DNAJC13: variants seen among roughly 807,000 people sequenced by gnomAD.
DNAJC13 encodes the protein dnaJ homolog subfamily C member 13.
Under a neutral mutation model 290.5 loss-of-function variants are expected in DNAJC13, and 75 were observed. The observed-to-expected ratio is 0.26, with a 90% CI of 0.21 to 0.31. DNAJC13 has a LOEUF of 0.31. Among genes scored for constraint, DNAJC13 ranks in the 10% least tolerant of loss-of-function variants. The pLI, the probability that DNAJC13 is intolerant of heterozygous loss-of-function variation, is 1.00. For synonymous variants in DNAJC13, 862 were observed against 892.0 expected (o/e 0.97, Z 0.60); for missense variants, 2,260 against 2,674.5 (o/e 0.85, Z 3.42).
chr3:132,459,418 G>A (rs919096922), intron 13 of DNAJC13, among the ~76,000 whole-genome samples: 1 of 152,174 alleles, frequency 6.6e-6, no homozygotes, highest in African/African-American at 2.4e-5. Context: ...AGGGGCTTGG[G>A]AGGAAGGCAG....
intron 50 of DNAJC13, 98 bp from the exon 51 acceptor site, chr3:132,523,442 T>C: frequency 7.3e-7 from 1 of 1,377,560 alleles, no homozygotes. Flanking sequence ...TGGCTGTTTG[T>C]GGACTGGTTA....
intron 36 of DNAJC13, among the ~76,000 whole-genome samples, 158 bp from the exon 37 acceptor site, chr3:132,498,968 G>A (rs528859199): frequency 1.2e-4 from 19 of 152,108 alleles, no homozygotes; most frequent in African/African-American, 4.6e-4. Flanking sequence ...CACCCACCTT[G>A]GCCTCCCAAA....
At position 132,523,182 on chromosome 3, in the gene DNAJC13, C is replaced by T. The variant is rs376192130; in HGVS notation, c.5869C>T (p.Pro1957Ser). 6.2e-7 allele frequency: 1 copy of T among 1,613,894 alleles called. No homozygotes were observed. Among genetic ancestry groups the T allele is most frequent in the Non-Finnish European group, 8.5e-7 (1 of 1,179,884 alleles). ...LEHFKNQQDN[P>S]EANWKLPEDF... ...GCACTTTAAAAATCAGCAGGACAAC[C>T]CTGAGGCAAACTGGAAGGTAAAATA... The change falls in exon 50 of 56, where the codon CCT becomes TCT. Residue 1957 changes from proline (P) to serine (S), a missense_variant. Pro to Ser is a moderately conservative substitution (Grantham distance 74). This residue lies in a region of DNAJC13 where 1,494 missense variants were observed against 1,693.7 expected (regional missense o/e 0.88). Transcript: ENST00000260818.
At chr3:132,484,033 T>G (rs1934771919) in intron 28 of DNAJC13, among the ~76,000 whole-genome samples, 1 of 152,336 alleles carries the variant, frequency 6.6e-6, no homozygotes, top group Non-Finnish European at 1.5e-5. Context: ...CTTTTTAATC[T>G]TTATGAAATA....
chr3:132,460,700 A>G (rs1240783573), intron 14 of DNAJC13, among the ~76,000 whole-genome samples: 1 of 152,234 alleles, frequency 6.6e-6, no homozygotes, highest in African/African-American at 2.4e-5. Flanking sequence ...GGAGATGGGC[A>G]TTCTATAGCA....
chr3:132,506,541 C>CTTTTTTTTTTTTTTTTT lies in DNAJC13; in HGVS notation c.4999-683_4999-667dup, dbSNP rs34151394. On this transcript the variant is annotated intron_variant, in intron 42 of 55. Coordinates refer to ENST00000260818, the MANE Select transcript of DNAJC13 (RefSeq NM_015268.4). ...TTTAGCACTTTTGTTCAGTGTATTA[C>CTTTTTTTTTTTTTTTTT]TTTTTTTTTTTTTTTTTTTTTTTTT... Among the ~76,000 whole-genome samples, 3 of 54,756 alleles carry CTTTTTTTTTTTTTTTTT rather than the reference C, an allele frequency of 5.5e-5. 1 individual carries two copies. The highest frequency in any genetic ancestry group is 3.5e-4 in the African/African-American group (3 of 8,648). 35.9% of individuals were successfully genotyped at this position (54,756 alleles called of 152,430 possible).
intron 29 of DNAJC13, among the ~76,000 whole-genome samples, chr3:132,486,987 T>C (rs1461279600): frequency 6.6e-6 from 1 of 152,152 alleles, no homozygotes; most frequent in East Asian, 1.9e-4. Flanking sequence ...TGTGGGTGTT[T>C]GCCACTAATT....
rs140254672 is a variant in DNAJC13, at chr3:132,494,997, T to C, written c.3942-91T>C. On this transcript the variant is annotated intron_variant, in intron 34 of 55. Coordinates refer to ENST00000260818, the MANE Select transcript of DNAJC13 (RefSeq NM_015268.4). ...ATATAATCATATACAATTCTTGATA[T>C]TAGATTCTTAAAATATCATTTTAGA... 1.6e-4 allele frequency: 136 copies of C among 837,716 alleles called. No individual in the cohort carries two copies. The African/African-American group carries it at 1.8e-3, about 11-fold the overall frequency. The allele number at this position is 837,716 out of a possible 1,614,324, so 51.9% of individuals were successfully genotyped here. A position where few individuals can be genotyped will look rare whatever the true frequency, so the allele number is the denominator to read the frequency against.
intron 12 of DNAJC13, 130 bp from the exon 13 acceptor site, chr3:132,457,139 T>G (rs1423968560): frequency 1.4e-5 from 10 of 740,088 alleles, no homozygotes; most frequent in Non-Finnish European, 1.9e-5. Flanking sequence ...CTGATAAATT[T>G]CAGAGGTGGA....
chr3:132,421,930 T>G (rs1938970148), intron 1 of DNAJC13, among the ~76,000 whole-genome samples: 1 of 152,190 alleles, frequency 6.6e-6, no homozygotes, highest in Admixed American at 6.5e-5. Flanking sequence ...ACTTGGTGAG[T>G]TATATATAAA....
intron 32 of DNAJC13, 55 bp downstream of exon 32, chr3:132,491,106 C>A: frequency 7.1e-7 from 1 of 1,411,974 alleles, no homozygotes; most frequent in Non-Finnish European, 9.5e-7. Context: ...CTTTGCTGCT[C>A]GCCATCTGCT....
chr3:132,506,519 A>G (rs1184179089), intron 42 of DNAJC13, among the ~76,000 whole-genome samples: 2 of 101,196 alleles, frequency 2.0e-5, no homozygotes, highest in African/African-American at 4.0e-5. Context: ...TCTATTTTTT[A>G]GCACTTTTGT....
At chr3:132,474,594 A>G (rs1450712834) in intron 21 of DNAJC13, among the ~76,000 whole-genome samples, 1 of 151,722 alleles carries the variant, frequency 6.6e-6, no homozygotes, top group Non-Finnish European at 1.5e-5. Flanking sequence ...TGAAGTTGAA[A>G]TATCAGGTGT....
intron 43 of DNAJC13, among the ~76,000 whole-genome samples, chr3:132,508,033 CAAG>C (rs1189216830): frequency 6.6e-6 from 1 of 152,142 alleles, no homozygotes; most frequent in Non-Finnish European, 1.5e-5. Context: ...ACATGAATGA[CAAG>C]AAATTGAAAC....
At chr3:132,443,870 T>C (rs1933153236) in intron 2 of DNAJC13, among the ~76,000 whole-genome samples, 1 of 152,196 alleles carries the variant, frequency 6.6e-6, no homozygotes. Context: ...CAGGATCCTT[T>C]TGCTGAGGGA....
At chr3:132,422,021 C>CTTTTTTCTTTTTCCTTTTT in intron 1 of DNAJC13, among the ~76,000 whole-genome samples, 1 of 150,876 alleles carries the variant, frequency 6.6e-6, no homozygotes, top group Admixed American at 6.6e-5. Flanking sequence ...GACTTCTGGA[C>CTTTTTTCTTTTTCCTTTTT]TTTTTTCTTT....
chr3:132,418,913 TAAA>T (rs1193135572), intron 1 of DNAJC13, among the ~76,000 whole-genome samples: 1 of 152,236 alleles, frequency 6.6e-6, no homozygotes, highest in African/African-American at 2.4e-5. Flanking sequence ...GAATTTGCCT[TAAA>T]AAAATAAATT....
intron 52 of DNAJC13, 147 bp from the exon 53 acceptor site, chr3:132,525,994 T>C (rs1489914341): frequency 2.4e-6 from 3 of 1,237,524 alleles, no homozygotes; most frequent in African/African-American, 3.0e-5. Context: ...TTAGGTGATA[T>C]AATTAATAGA....
chr3:132,494,002 G>A, intron 33 of DNAJC13, 142 bp from the exon 34 acceptor site: 3 of 618,152 alleles, frequency 4.9e-6, no homozygotes, highest in East Asian at 5.6e-5. Flanking sequence ...AGGTGATTTT[G>A]GTTATTTGTA....
Sources: allele counts gnomAD v4.1 joint callset (sites outside exome capture counted in the v4.1 genomes callset), GRCh38; gene constraint gnomAD v4.1.1; regional missense constraint gnomAD v4.1.1; transcripts MANE v1.5; gene names NCBI Gene and HGNC (gene_info 2026-07-23, HGNC 2026-07-21).